GPC5: variants seen among roughly 807,000 people sequenced by gnomAD.
The protein encoded by GPC5 is glypican-5.
A neutral mutation model predicts 53.9 loss-of-function variants in GPC5; 47 were observed. That is an observed-to-expected ratio of 0.87 (90% confidence interval 0.69 to 1.11). The LOEUF (loss-of-function observed/expected upper bound fraction) is 1.11. GPC5 is among the 50% of genes most tolerant of loss of function. The pLI, the probability that GPC5 is intolerant of heterozygous loss-of-function variation, is 0.00. For missense variants in GPC5, 748 were observed against 713.1 expected, an observed-to-expected ratio of 1.05 and a Z score of -0.56; for synonymous variants, 286 against 263.3, an observed-to-expected ratio of 1.09 and a Z score of -0.84.
chr13:92,339,468 A>T (rs552468738), intron 7 of GPC5, among the ~76,000 whole-genome samples: 58 of 152,204 alleles, frequency 3.8e-4, no homozygotes, highest in African/African-American at 1.3e-3. Flanking sequence ...AAATTGAGAA[A>T]TATATACAGA....
chr13:92,570,061 T>A (rs542360104), intron 7 of GPC5, among the ~76,000 whole-genome samples: 1 of 152,254 alleles, frequency 6.6e-6, no homozygotes, highest in Non-Finnish European at 1.5e-5. Context: ...TGTAGAACCA[T>A]CTGCTTGAAT....
intron 5 of GPC5, among the ~76,000 whole-genome samples, chr13:91,786,697 A>C (rs959509443): frequency 6.6e-6 from 1 of 152,128 alleles, no homozygotes; most frequent in Non-Finnish European, 1.5e-5. Context: ...TATAATATTT[A>C]TGTCAAGAAT....
chr13:91,606,365 T>C (rs903079170), intron 2 of GPC5, among the ~76,000 whole-genome samples: 8 of 149,372 alleles, frequency 5.4e-5, no homozygotes, highest in African/African-American at 2.0e-4. Flanking sequence ...GCCAGTATTT[T>C]ATTGAGGATT....
At chr13:92,106,724 T>C (rs117889655) in intron 6 of GPC5, among the ~76,000 whole-genome samples, 1 of 152,228 alleles carries the variant, frequency 6.6e-6, no homozygotes, top group East Asian at 1.9e-4. Flanking sequence ...TGTAGCACAT[T>C]GTTTTTGGCC....
intron 5 of GPC5, among the ~76,000 whole-genome samples, chr13:91,904,140 C>CTTTTTTTTTTTTTTTTTT (rs57293387): frequency 1.1e-5 from 1 of 94,670 alleles, no homozygotes; most frequent in African/African-American, 4.4e-5. Flanking sequence ...TCTTTTCTTT[C>CTTTTTTTTTTTTTTTTTT]TTTTTTTTTT....
At chr13:91,671,079 G>A (rs552498224) in intron 2 of GPC5, among the ~76,000 whole-genome samples, 1 of 152,214 alleles carries the variant, frequency 6.6e-6, no homozygotes, top group African/African-American at 2.4e-5. Flanking sequence ...CCTTTGATGT[G>A]TAGGCATAAT....
chr13:92,648,158 TA>T (rs571471330), intron 7 of GPC5, among the ~76,000 whole-genome samples: 1 of 152,098 alleles, frequency 6.6e-6, no homozygotes, highest in African/African-American at 2.4e-5. Context: ...GGTAAGAACA[TA>T]AAAAACTGGC....
chr13:92,309,307 G>A (rs2043130982), intron 7 of GPC5, among the ~76,000 whole-genome samples: 1 of 152,026 alleles, frequency 6.6e-6, no homozygotes, highest in South Asian at 2.1e-4. Flanking sequence ...CCTGAAATAT[G>A]TATAATTATA....
At chr13:92,811,077 AAAT>A (rs1319443742) in intron 7 of GPC5, among the ~76,000 whole-genome samples, 6 of 151,948 alleles carry the variant, frequency 3.9e-5, no homozygotes, top group Admixed American at 3.9e-4. Flanking sequence ...TCTTATGGCT[AAAT>A]AATATTCCAA....
intron 5 of GPC5, among the ~76,000 whole-genome samples, chr13:91,842,926 T>C (rs1007973909): frequency 6.6e-6 from 1 of 152,096 alleles, no homozygotes; most frequent in African/African-American, 2.4e-5. Flanking sequence ...AAAATGAAAA[T>C]AGTTTAACAA....
chr13:92,851,757 T>C (rs1271672845), intron 7 of GPC5, among the ~76,000 whole-genome samples: 3 of 148,368 alleles, frequency 2.0e-5, no homozygotes, highest in Admixed American at 6.7e-5. Flanking sequence ...GGCGTGGTGG[T>C]GGGTGCCTGT....
chr13:92,188,092 A>C (rs1222590065), intron 7 of GPC5, among the ~76,000 whole-genome samples: 1 of 151,990 alleles, frequency 6.6e-6, no homozygotes, highest in African/African-American at 2.4e-5. Context: ...GTCTCATGGG[A>C]GTAAATAAAT....
chr13:91,786,941 TTCTC>T (rs2037888540), intron 5 of GPC5, among the ~76,000 whole-genome samples: 1 of 86,836 alleles, frequency 1.2e-5, no homozygotes, highest in Admixed American at 1.3e-4. Context: ...CCATAAGTGT[TTCTC>T]TTTTTTTTTT....
intron 2 of GPC5, among the ~76,000 whole-genome samples, chr13:91,592,684 C>T (rs1392535706): frequency 6.6e-6 from 1 of 152,234 alleles, no homozygotes; most frequent in Non-Finnish European, 1.5e-5. Flanking sequence ...GCTGCTCTAT[C>T]CTCTGGACCC....
chr13:92,047,744 G>A (rs1171211375), intron 6 of GPC5, among the ~76,000 whole-genome samples: 1 of 149,852 alleles, frequency 6.7e-6, no homozygotes, highest in African/African-American at 2.5e-5. Flanking sequence ...GCCAAGGCAG[G>A]CGGATCATGA....
At chr13:92,730,608 T>C (rs535882292) in intron 7 of GPC5, among the ~76,000 whole-genome samples, 1 of 151,476 alleles carries the variant, frequency 6.6e-6, no homozygotes, top group South Asian at 2.1e-4. Flanking sequence ...TTATTTCTTT[T>C]TTTTTGCAAG....
In GPC5 at chr13:91,745,136, T is replaced by A. The variant is rs185073524; in HGVS notation, c.1155-11159T>A. 4.7e-3 allele frequency among the ~76,000 whole-genome samples: 721 copies of A among 152,240 alleles called. 7 individuals are homozygous for A. The highest frequency in any genetic ancestry group is 0.017 in the African/African-American group (703 of 41,562). On this transcript the variant is annotated intron_variant, in intron 4 of 7. Transcript: ENST00000377067. ...TTAATGGAGAACAGAGGTAGTGTTT[T>A]TTTAAGGCACATTTTTACAACAGGG...
intron 7 of GPC5, among the ~76,000 whole-genome samples, chr13:92,548,677 C>A (rs1368890700): frequency 1.3e-5 from 2 of 152,000 alleles, no homozygotes; most frequent in Admixed American, 6.6e-5. Context: ...ACTATCCCCA[C>A]TTTGCTTATA....
intron 7 of GPC5, among the ~76,000 whole-genome samples, chr13:92,395,161 T>C (rs1166721348): frequency 6.6e-6 from 1 of 152,204 alleles, no homozygotes; most frequent in African/African-American, 2.4e-5. Context: ...TCAAAACTGT[T>C]CTGCTTGTTA....
Sources: gnomAD v4.1 joint callset for allele counts (sites outside exome capture counted in the v4.1 genomes callset) on GRCh38, gnomAD v4.1.1 for gene constraint, MANE v1.5 for transcripts, NCBI Gene and HGNC (gene_info 2026-07-23, HGNC 2026-07-21) for gene names.